The following ADGRG4 variants were observed in gnomAD, a reference collection of about 807,000 sequenced individuals.
ADGRG4 encodes G protein-coupled receptor 112.
ADGRG4 carries 122 observed loss-of-function variants against 126.2 expected under a neutral mutation model. The observed-to-expected ratio is 0.97, with a 90% CI of 0.83 to 1.12. ADGRG4 has a LOEUF of 1.12. ADGRG4 is among the 50% of genes most tolerant of loss of function. The pLI is 0.00. For synonymous variants in ADGRG4, 943 were observed against 838.7 expected (o/e 1.12, Z -2.15); for missense variants, 2,481 against 2,251.8 (o/e 1.10, Z -2.06).
At chrX:136,413,659 C>T (rs1475934412) in intron 24 of ADGRG4, among the ~76,000 whole-genome samples, 2 of 111,641 alleles carry the variant, frequency 1.8e-5, no homozygotes, top group Non-Finnish European at 3.8e-5. Context: ...CTACTTCTTA[C>T]AACTTCATAG....
At chrX:136,332,788 G>A (rs2074921335) in intron 5 of ADGRG4, among the ~76,000 whole-genome samples, 3 of 106,266 alleles carry the variant, frequency 2.8e-5, no homozygotes, top group African/African-American at 1.0e-4. Flanking sequence ...GTGTTTTTTG[G>A]CTGCATAAAT....
rs1369079609 is a variant in ADGRG4 at position 136,372,975 on chromosome X, G to A, written c.7687G>A (p.Gly2563Arg). ...SGQIANLTVA[G>R]LALAVLRGDH... ...GCAGATAGCAAATCTGACGGTGGCC[G>A]GGCTGGCTTTGGCTGTGCTGCGGGG... is the stretch of plus-strand genomic sequence containing the variant. The change falls in exon 15 of 26, where the codon GGG becomes AGG. Residue 2563 changes from glycine to arginine, a missense_variant. Transcript: ENST00000394143. 5 of 1,210,926 alleles carry A rather than the reference G, an allele frequency of 4.1e-6. No individual in the cohort carries two copies. Among genetic ancestry groups the A allele is most frequent in the Non-Finnish European group, 4.5e-6 (4 of 894,880 alleles).
intron 5 of ADGRG4, among the ~76,000 whole-genome samples, chrX:136,333,374 G>A (rs756543525): frequency 3.1e-4 from 34 of 111,028 alleles, no homozygotes; most frequent in Admixed American, 1.0e-3. Flanking sequence ...CACCCACCTC[G>A]GCCTCACAAA....
chrX:136,312,225 T>TTAGG (rs1296976707), intron 4 of ADGRG4, among the ~76,000 whole-genome samples: 1 of 112,594 alleles, frequency 8.9e-6, no homozygotes, highest in African/African-American at 3.2e-5. Flanking sequence ...TGCTACCATA[T>TTAGG]TAGGCATTGC....
chrX:136,384,557 C>T (rs747370618), intron 15 of ADGRG4, among the ~76,000 whole-genome samples: 16 of 111,796 alleles, frequency 1.4e-4, no homozygotes, highest in African/African-American at 5.2e-4. Context: ...GTATCACTTC[C>T]CTTCAGCTTA....
chrX:136,334,301 C>T (rs1415788496), intron 5 of ADGRG4, among the ~76,000 whole-genome samples: 1 of 111,332 alleles, frequency 9.0e-6, no homozygotes, highest in Admixed American at 9.6e-5. Flanking sequence ...CTTTTCCAAT[C>T]ATCTATGTAT....
chrX:136,371,668 A>C (rs1202509216), intron 14 of ADGRG4, 124 bp downstream of exon 14: 2 of 434,525 alleles, frequency 4.6e-6, no homozygotes, highest in Non-Finnish European at 7.7e-6. Flanking sequence ...TATCCTTAAA[A>C]AAATCTTGCG....
chrX:136,384,141 C>T (rs2075281282), intron 15 of ADGRG4, among the ~76,000 whole-genome samples: 1 of 110,149 alleles, frequency 9.1e-6, no homozygotes, highest in South Asian at 3.9e-4. Flanking sequence ...AAACTCCTGA[C>T]CTGAAGTGAT....
At chrX:136,309,090 A>T (rs2074752230) in intron 4 of ADGRG4, among the ~76,000 whole-genome samples, 1 of 112,477 alleles carries the variant, frequency 8.9e-6, no homozygotes, top group African/African-American at 3.2e-5. Flanking sequence ...TACCTTTGAC[A>T]TTTCTTAAAG....
intron 15 of ADGRG4, among the ~76,000 whole-genome samples, chrX:136,376,092 G>A (rs939737304): frequency 1.8e-5 from 2 of 111,508 alleles, no homozygotes; most frequent in Admixed American, 9.5e-5. Flanking sequence ...CGAGGGATGG[G>A]GATCCAGTTT....
chrX:136,317,063 A>G (rs933006103), intron 4 of ADGRG4, among the ~76,000 whole-genome samples: 1 of 111,774 alleles, frequency 8.9e-6, no homozygotes, highest in Non-Finnish European at 1.9e-5. Flanking sequence ...ATGAACTTGG[A>G]CTTCCCCATC....
intron 23 of ADGRG4, among the ~76,000 whole-genome samples, chrX:136,411,616 A>G (rs1053852523): frequency 1.8e-5 from 2 of 112,956 alleles, no homozygotes; most frequent in Non-Finnish European, 3.7e-5. Flanking sequence ...ATTATTTCAC[A>G]CAGTGTCTGA....
At chrX:136,380,559 T>C (rs1439199036) in intron 15 of ADGRG4, among the ~76,000 whole-genome samples, 11 of 102,347 alleles carry the variant, frequency 1.1e-4, no homozygotes, top group African/African-American at 3.5e-4. Context: ...CTTCTTCTTC[T>C]TCTTCTTCCT....
chrX:136,400,050 G>A lies in ADGRG4; in HGVS notation c.8509G>A (p.Ala2837Thr), dbSNP rs866944991. Residue 2837 changes from alanine to threonine, a missense_variant, in exon 21 of 26, where the codon GCT becomes ACT. Coordinates refer to ENST00000394143, the MANE Select transcript of ADGRG4 (RefSeq NM_153834.4). ...MGLEAVHMYL[A>T]LVKVFNIYIP... is the part of the protein sequence containing the mutation. ...CCTGGAGGCAGTCCACATGTATTTGGCTCTAGTCAAAGTCTTCAACATATA... is the reference window on the plus strand; with the variant it reads ...CCTGGAGGCAGTCCACATGTATTTGACTCTAGTCAAAGTCTTCAACATATA... 2.5e-6 allele frequency: 3 copies of A among 1,204,111 alleles called. No homozygotes were observed. The African/African-American group carries it at 5.3e-5, about 21-fold the overall frequency.
At chrX:136,322,099 T>A (rs925225860) in intron 4 of ADGRG4, among the ~76,000 whole-genome samples, 2 of 111,690 alleles carry the variant, frequency 1.8e-5, no homozygotes, top group African/African-American at 6.5e-5. Context: ...CTGGGGTCTA[T>A]GGCCATCTTG....
rs1384573842 is a variant in ADGRG4, at chrX:136,399,898, C to T, written c.8357C>T (p.Ala2786Val). The T allele has an allele frequency of 1.7e-6, 2 of 1,206,233 alleles. No homozygotes were observed. Among genetic ancestry groups the T allele is most frequent in the South Asian group, 3.5e-5 (2 of 56,728 alleles). ...AAAATTCTGATCAACCTGTGCACAG[C>T]ACTACTGATGCTAAACCTGGTATTT... Reference protein sequence around the residue: ...PAKILINLCTALLMLNLVFLI... With the variant: ...PAKILINLCTVLLMLNLVFLI... Residue 2786 changes from alanine (A) to valine (V), a missense_variant, in exon 21 of 26, where the codon GCA becomes GTA. By Grantham distance (64) the Ala-to-Val change is moderately conservative. Transcript: ENST00000394143.
chrX:136,358,998 T>C (rs2075111098), intron 10 of ADGRG4, among the ~76,000 whole-genome samples: 1 of 112,386 alleles, frequency 8.9e-6, no homozygotes, highest in Admixed American at 9.4e-5. Context: ...TATTAATTAT[T>C]ACAAACTCTT....
chrX:136,373,210 T>C, intron 15 of ADGRG4, 146 bp downstream of exon 15: 1 of 495,464 alleles, frequency 2.0e-6, no homozygotes, highest in Non-Finnish European at 3.2e-6. Flanking sequence ...AAGATTCGTA[T>C]ATAATCTTTA....
At chrX:136,302,584 T>A (rs1219963120) in intron 1 of ADGRG4, among the ~76,000 whole-genome samples, 1 of 112,158 alleles carries the variant, frequency 8.9e-6, no homozygotes, top group East Asian at 2.8e-4. Context: ...TAATGTGACC[T>A]GTTCCAACTT....
Sources: gnomAD v4.1 joint callset for allele counts (sites outside exome capture counted in the v4.1 genomes callset) on GRCh38, gnomAD v4.1.1 for gene constraint, MANE v1.5 for transcripts, NCBI Gene and HGNC (gene_info 2026-07-23, HGNC 2026-07-21) for gene names.